The following CNGA3 variants were observed in gnomAD, a reference collection of about 807,000 sequenced individuals.
CNGA3 encodes the protein cyclic nucleotide-gated channel alpha-3.
In CNGA3, 42 loss-of-function variants were observed where a neutral mutation model predicts 46.6. The observed-to-expected ratio is 0.90, with a 90% CI of 0.70 to 1.17. The LOEUF (loss-of-function observed/expected upper bound fraction) is 1.17, where lower values mean the gene tolerates loss of function less well. Ranked by LOEUF, CNGA3 falls within the 50% of genes most tolerant of loss-of-function variation. The probability of loss-of-function intolerance (pLI) is 0.00; values close to 1 mark genes in which losing one functional copy is unlikely to be tolerated. For missense variants in CNGA3, 893 were observed against 890.7 expected, an observed-to-expected ratio of 1.00 and a Z score of -0.03; for synonymous variants, 394 against 369.4, an observed-to-expected ratio of 1.07 and a Z score of -0.76.
chr2:98,389,922 A>G, intron 6 of CNGA3, 148 bp downstream of exon 6: 2 of 626,748 alleles, frequency 3.2e-6, no homozygotes, highest in Non-Finnish European at 5.6e-6. Flanking sequence ...TTCTCCTTTT[A>G]AAAATAGAAG....
intron 4 of CNGA3, 91 bp downstream of exon 4, chr2:98,380,445 C>G (rs1692512984): frequency 2.0e-6 from 3 of 1,478,140 alleles, no homozygotes; most frequent in Non-Finnish European, 1.9e-6. Context: ...GGATGCAGCA[C>G]AGGTGGCCTG....
intron 1 of CNGA3, among the ~76,000 whole-genome samples, chr2:98,362,933 G>C (rs144074886): frequency 6.6e-6 from 1 of 152,172 alleles, no homozygotes; most frequent in Non-Finnish European, 1.5e-5. Flanking sequence ...ACTTGCTTTG[G>C]TCAGATTTGT....
chr2:98,388,933 G>C (rs531967921), intron 5 of CNGA3, among the ~76,000 whole-genome samples: 49 of 152,368 alleles, frequency 3.2e-4, no homozygotes, highest in Non-Finnish European at 6.9e-4. Flanking sequence ...TGGGATGGCA[G>C]AGGGGACACA....
At chr2:98,384,116 C>G (rs1485581922) in intron 5 of CNGA3, among the ~76,000 whole-genome samples, 1 of 152,122 alleles carries the variant, frequency 6.6e-6, no homozygotes, top group Non-Finnish European at 1.5e-5. Context: ...GTCTCGACCT[C>G]CTGACCTCGT....
At chr2:98,365,841 C>T (rs1241178185) in intron 1 of CNGA3, among the ~76,000 whole-genome samples, 1 of 152,178 alleles carries the variant, frequency 6.6e-6, no homozygotes, top group African/African-American at 2.4e-5. Context: ...TGGGTTAGAA[C>T]GTGCTCCTTT....
intron 1 of CNGA3, among the ~76,000 whole-genome samples, 189 bp downstream of exon 1, chr2:98,346,723 A>G (rs2106061833): frequency 6.6e-6 from 1 of 152,048 alleles, no homozygotes; most frequent in South Asian, 2.1e-4. Flanking sequence ...GCTGGAGAGA[A>G]AGTGAAAAAG....
Position 98,367,176 on chromosome 2 carries a change from C to CTTTT in CNGA3, c.-37-2758_-37-2755dup, listed in dbSNP as rs1182363811. Among the ~76,000 whole-genome samples, 240 of 115,512 alleles carry CTTTT rather than the reference C, an allele frequency of 2.1e-3. 12 individuals carry two copies. Among genetic ancestry groups the CTTTT allele is most frequent in the African/African-American group, 3.4e-3 (105 of 31,030 alleles). The allele number at this position is 115,512 out of a possible 152,430, so 75.8% of individuals were successfully genotyped here. A position where few individuals can be genotyped will look rare whatever the true frequency, so the allele number is the denominator to read the frequency against. ...ACCTCTGACATCAGCTGTTTTTTTT[C>CTTTT]TTTTTTTTCTTTTTTTTTTTTTTTT... is the stretch of plus-strand genomic sequence containing the variant. On this transcript the variant is annotated intron_variant, in intron 1 of 7. Transcript: ENST00000272602.
chr2:98,393,308 G>A (rs1427653510), intron 7 of CNGA3, among the ~76,000 whole-genome samples: 5 of 152,146 alleles, frequency 3.3e-5, no homozygotes, highest in Non-Finnish European at 7.4e-5. Flanking sequence ...GCCGACCTCC[G>A]TGTGGCTCCA....
intron 1 of CNGA3, among the ~76,000 whole-genome samples, chr2:98,348,422 G>C (rs1471239629): frequency 6.6e-6 from 1 of 152,232 alleles, no homozygotes; most frequent in African/African-American, 2.4e-5. Flanking sequence ...ATGGCGACCA[G>C]TCTCCAGTCG....
At position 98,396,669 on chromosome 2, in the gene CNGA3, C is replaced by T; in HGVS notation, c.1499C>T (p.Pro500Leu). The part of the protein sequence containing the change: ...LLVELVLKLR[P>L]TVFSPGDYIC... ...GTGGAGCTGGTGCTGAAGCTGCGACCCACTGTGTTCAGCCCTGGGGATTAT... is the reference window on the plus strand; with the variant it reads ...GTGGAGCTGGTGCTGAAGCTGCGACTCACTGTGTTCAGCCCTGGGGATTAT... Residue 500 changes from proline to leucine, a missense_variant, in exon 8 of 8, where the codon CCC (proline) becomes CTC (leucine). Pro to Leu is a moderately conservative substitution (Grantham distance 98, BLOSUM62 -3). Transcript: ENST00000272602. 6.2e-7 allele frequency: 1 copy of T among 1,614,078 alleles called. No individual in the cohort carries two copies. The highest frequency in any genetic ancestry group is 8.5e-7 in the Non-Finnish European group (1 of 1,180,034).
chr2:98,365,860 A>C (rs1692136788), intron 1 of CNGA3, among the ~76,000 whole-genome samples: 1 of 152,206 alleles, frequency 6.6e-6, no homozygotes, highest in Non-Finnish European at 1.5e-5. Flanking sequence ...TTAGCTCAGC[A>C]AAGTTTGTTA....
intron 1 of CNGA3, among the ~76,000 whole-genome samples, chr2:98,356,156 T>C (rs1691875392): frequency 6.6e-6 from 1 of 152,176 alleles, no homozygotes; most frequent in Non-Finnish European, 1.5e-5. Flanking sequence ...TTTGGAAAAG[T>C]GTTTTAGAAA....
intron 1 of CNGA3, among the ~76,000 whole-genome samples, chr2:98,353,542 C>G (rs1691813771): frequency 6.6e-6 from 1 of 152,072 alleles, no homozygotes; most frequent in Non-Finnish European, 1.5e-5. Context: ...CAGGACCTAC[C>G]CACAAATACC....
intron 1 of CNGA3, among the ~76,000 whole-genome samples, chr2:98,359,024 A>G (rs747376518): frequency 6.6e-6 from 1 of 152,208 alleles, no homozygotes; most frequent in Non-Finnish European, 1.5e-5. Context: ...CAGGCAGTTT[A>G]TTTGGGGAGT....
chr2:98,389,817 A>G (rs1395100905), intron 6 of CNGA3, 43 bp downstream of exon 6: 2 of 1,532,352 alleles, frequency 1.3e-6, no homozygotes, highest in Non-Finnish European at 9.0e-7. Flanking sequence ...GGGGGAAACC[A>G]GGGCACCAGG....
rs1250602697 is a variant in CNGA3 at position 98,397,530 on chromosome 2, A to G, written c.*275A>G. ...TGCAAGGTATCCCCAGTCCAAGTAT[A>G]TGAAAACGTGCACACAGGACTCTCA... On this transcript the variant is annotated 3_prime_UTR_variant, in exon 8 of 8. Coordinates refer to ENST00000272602, the MANE Select transcript of CNGA3 (RefSeq NM_001298.3). The G allele has an allele frequency of 6.4e-5, 33 of 515,034 alleles. No homozygotes were observed. The allele number at this position is 515,034 out of a possible 1,614,324, so 31.9% of individuals were successfully genotyped here. A position where few individuals can be genotyped will look rare whatever the true frequency, so the allele number is the denominator to read the frequency against.
chr2:98,353,108 A>C (rs1332552976), intron 1 of CNGA3, among the ~76,000 whole-genome samples: 1 of 152,240 alleles, frequency 6.6e-6, no homozygotes, highest in Non-Finnish European at 1.5e-5. Flanking sequence ...TAGATTAAGC[A>C]AGAAAAAATG....
chr2:98,369,276 A>G (rs912706468), intron 1 of CNGA3, among the ~76,000 whole-genome samples: 7 of 152,250 alleles, frequency 4.6e-5, no homozygotes, highest in South Asian at 4.1e-4. Flanking sequence ...ACAATTTTTC[A>G]AGACGATTTC....
In CNGA3 at chr2:98,396,673, T is replaced by C; in HGVS notation, c.1503T>C (p.Thr501=). Residue 501 remains threonine (T), a synonymous_variant, in exon 8 of 8, where the codon ACT becomes ACC. Coordinates refer to ENST00000272602, the MANE Select transcript of CNGA3 (RefSeq NM_001298.3). ...LVELVLKLRP[T]VFSPGDYICK... ...AGCTGGTGCTGAAGCTGCGACCCAC[T>C]GTGTTCAGCCCTGGGGATTATATCT... 1 of 1,614,120 alleles carries C rather than the reference T, an allele frequency of 6.2e-7. No homozygotes were observed. The highest frequency in any genetic ancestry group is 1.1e-5 in the South Asian group (1 of 91,070).
Sources: allele counts gnomAD v4.1 joint callset (sites outside exome capture counted in the v4.1 genomes callset), GRCh38; gene constraint gnomAD v4.1.1; transcripts MANE v1.5; gene names NCBI Gene and HGNC (gene_info 2026-07-23, HGNC 2026-07-21).